The following GCA variants were observed in gnomAD, a reference collection of about 807,000 sequenced individuals.
The protein encoded by GCA is grancalcin, EF-hand calcium-binding protein.
In GCA, 30 loss-of-function variants were observed where a neutral mutation model predicts 32.6. That is an observed-to-expected ratio of 0.92 (90% CI 0.69 to 1.25). The LOEUF (loss-of-function observed/expected upper bound fraction) is 1.25. GCA is among the 50% of genes most tolerant of loss of function. GCA has a pLI of 0.00. For synonymous variants in GCA, 102 were observed against 84.6 expected, an observed-to-expected ratio of 1.21 and a Z score of -1.13; for missense variants, 291 against 266.8, an observed-to-expected ratio of 1.09 and a Z score of -0.63.
At chr2:162,345,368 G>A (rs1363966111) in intron 1 of GCA, among the ~76,000 whole-genome samples, 1 of 152,144 alleles carries the variant, frequency 6.6e-6, no homozygotes, top group Non-Finnish European at 1.5e-5. Context: ...GCATAAACCT[G>A]TGGGTCTTTA....
At position 162,356,882 on chromosome 2, in the gene GCA, T is replaced by A; in HGVS notation, c.431T>A (p.Leu144Ter). ...DGSGTVEHHE[L>*]RQAIGLMGYR... is the part of the protein sequence containing the mutation. ...AGTGGCACAGTAGAACATCATGAGT[T>A]GCGTCAAGCCATTGGTCTTATGGGT... is the stretch of plus-strand genomic sequence containing the variant. Residue 144 changes from leucine (L) to a stop codon, truncating the protein, a stop_gained, in exon 5 of 8, where the codon TTG (leucine) becomes TAG (stop). Transcript: ENST00000437150. LOFTEE classifies it high-confidence loss of function. The A allele has an allele frequency of 6.2e-7, 1 of 1,609,362 alleles. No individual in the cohort carries two copies. Among genetic ancestry groups the A allele is most frequent in the Non-Finnish European group, 8.5e-7 (1 of 1,177,036 alleles).
At chr2:162,329,469 G>C (rs775255085) in intron 1 of GCA, among the ~76,000 whole-genome samples, 1 of 151,892 alleles carries the variant, frequency 6.6e-6, no homozygotes, top group Non-Finnish European at 1.5e-5. Flanking sequence ...TATTATCAGT[G>C]CACTGAGTTA....
chr2:162,321,883 C>CAT (rs10529213), intron 1 of GCA, among the ~76,000 whole-genome samples: 8 of 70,224 alleles, frequency 1.1e-4, no homozygotes, highest in Non-Finnish European at 1.6e-4. Context: ...AATTTAGTTA[C>CAT]ATATATATAT....
chr2:162,360,151 T>C (rs945359878), intron 7 of GCA, 66 bp from the exon 8 acceptor site: 2 of 967,780 alleles, frequency 2.1e-6, no homozygotes, highest in Admixed American at 2.1e-5. Context: ...TTATGGAATA[T>C]AATTAGTCAA....
intron 1 of GCA, chr2:162,319,350 CA>C (rs1334642861): frequency 2.5e-6 from 1 of 405,438 alleles, no homozygotes; most frequent in Non-Finnish European, 5.1e-6. Flanking sequence ...ACCACCAACT[CA>C]GCTTAGAAGG....
At chr2:162,331,347 A>G (rs1684075923) in intron 1 of GCA, among the ~76,000 whole-genome samples, 1 of 152,182 alleles carries the variant, frequency 6.6e-6, no homozygotes, top group African/African-American at 2.4e-5. Context: ...ACAAATAAGT[A>G]TCAGCAAGTA....
chr2:162,323,378 A>G (rs2105254053), intron 1 of GCA, among the ~76,000 whole-genome samples: 1 of 151,888 alleles, frequency 6.6e-6, no homozygotes, highest in East Asian at 1.9e-4. Context: ...CTCTAATGGT[A>G]GTTTCTTTTG....
intron 5 of GCA, among the ~76,000 whole-genome samples, chr2:162,358,746 C>T (rs1017383998): frequency 2.6e-5 from 4 of 151,098 alleles, no homozygotes; most frequent in Non-Finnish European, 1.5e-5. Flanking sequence ...GCATTAAAAC[C>T]CATGAAATTA....
Position 162,344,266 on chromosome 2 carries a change from C to A in GCA, c.18C>A (p.Tyr6Ter), listed in dbSNP as rs969544407. Residue 6 changes from tyrosine to a stop codon, truncating the protein, a stop_gained, in exon 1 of 8, where the codon TAC becomes TAA. Transcript: ENST00000437150. LOFTEE classifies it high-confidence loss of function. MAYPG[Y>*]GGGFGNFSIQ... Reference sequence around the variant, plus strand: ...CGCTCGTCATGGCCTACCCGGGATACGGAGGAGGGGTGAGTCCCAGCCGCT... The same window carrying A: ...CGCTCGTCATGGCCTACCCGGGATAAGGAGGAGGGGTGAGTCCCAGCCGCT... The A allele has an allele frequency of 6.2e-7, 1 of 1,613,600 alleles. No homozygotes were observed. Among genetic ancestry groups the A allele is most frequent in the Non-Finnish European group, 8.5e-7 (1 of 1,179,806 alleles).
intron 6 of GCA, 167 bp from the exon 7 acceptor site, chr2:162,359,327 C>T (rs1055794297): frequency 2.5e-5 from 15 of 598,342 alleles, no homozygotes; most frequent in Admixed American, 1.3e-4. Flanking sequence ...ATGATAAAAA[C>T]GTTATGTTAT....
intron 1 of GCA, among the ~76,000 whole-genome samples, chr2:162,336,530 C>A (rs965342918): frequency 5.3e-5 from 8 of 152,162 alleles, no homozygotes; most frequent in Non-Finnish European, 7.4e-5. Context: ...ATCCTCCTTT[C>A]TCCTCCCATC....
downstream of GCA, chr2:162,371,732 G>T: frequency 8.5e-7 from 1 of 1,173,354 alleles, no homozygotes; most frequent in Non-Finnish European, 1.2e-6. Context: ...ATGGTACCTT[G>T]TGAGCCCCTG....
At chr2:162,354,380 A>C (rs1685153176) in intron 3 of GCA, among the ~76,000 whole-genome samples, 1 of 152,126 alleles carries the variant, frequency 6.6e-6, no homozygotes, top group Non-Finnish European at 1.5e-5. Context: ...AGGGTTCTCA[A>C]ATCTTTTGTA....
rs1685548633 is a variant in GCA at position 162,361,043 on chromosome 2, T to C, written c.*800T>C. ...TTTGATGATATGTCAACATTCAAAA[T>C]TGTCCTAATTAAATTGTTGTTTAAA... On this transcript the variant is annotated 3_prime_UTR_variant, in exon 8 of 8. Transcript: ENST00000437150. 1 of 980,854 alleles carries C rather than the reference T, an allele frequency of 1.0e-6. No homozygotes were observed. The highest frequency in any genetic ancestry group is 1.7e-5 in the African/African-American group (1 of 58,528). 60.8% of individuals were successfully genotyped at this position (980,854 alleles called of 1,614,324 possible).
rs962138076 is a variant in GCA at position 162,322,255 on chromosome 2, G to A, written c.-31+3030G>A. 4.0e-4 allele frequency among the ~76,000 whole-genome samples: 61 copies of A among 151,366 alleles called. 1 individual carries two copies. The highest frequency in any genetic ancestry group is 1.0e-4 in the Non-Finnish European group (7 of 67,912). On this transcript the variant is annotated intron_variant, in intron 1 of 4. Transcript: ENST00000429691. ...ATGAAAGTCACGTATCAATAGATAA[G>A]TTTTGGAACATTCATTTTTCAAGTA...
rs1184602016 is a variant in GCA, at chr2:162,363,011, CAAAA to C, written c.*2771_*2774del. Among the ~76,000 whole-genome samples, 1 of 151,184 alleles carries C rather than the reference CAAAA, an allele frequency of 6.6e-6. No individual in the cohort carries two copies. Among genetic ancestry groups the C allele is most frequent in the Non-Finnish European group, 1.5e-5 (1 of 67,448 alleles). On this transcript the variant is annotated 3_prime_UTR_variant, in exon 8 of 8. Coordinates refer to ENST00000437150, the MANE Select transcript of GCA (RefSeq NM_012198.5). Reference sequence around the variant, plus strand: ...AAGTCTGTGGAGTTAAAAAAAATAACAAAAAATCAATTTGTGATTATTTCTTTAA... The same window carrying C: ...AAGTCTGTGGAGTTAAAAAAAATAACAATCAATTTGTGATTATTTCTTTAA...
At chr2:162,371,674 T>C, downstream of GCA, 1 of 857,268 alleles carries the variant, frequency 1.2e-6, no homozygotes, top group Non-Finnish European at 1.7e-6. Context: ...TGCTCAGTTT[T>C]ACCTTACAAG....
At chr2:162,335,185 G>A (rs530036589) in intron 1 of GCA, among the ~76,000 whole-genome samples, 1 of 152,246 alleles carries the variant, frequency 6.6e-6, no homozygotes, top group South Asian at 2.1e-4. Flanking sequence ...GCCAAGGTGG[G>A]TGGATCACTT....
chr2:162,323,278 G>A lies in GCA; in HGVS notation c.-31+4053G>A, dbSNP rs1192668315. Among the ~76,000 whole-genome samples, 2 of 151,766 alleles carry A rather than the reference G, an allele frequency of 1.3e-5. 1 individual carries two copies. The highest frequency in any genetic ancestry group is 1.3e-4 in the Admixed American group (2 of 15,270). On this transcript the variant is annotated intron_variant, in intron 1 of 4. Transcript: ENST00000429691. ...TTGTTTGTTTTTTTCTTGTAAATTT[G>A]TTTGAGTTCATTGTAGATTCTGGAT...
Sources: allele counts gnomAD v4.1 joint callset (sites outside exome capture counted in the v4.1 genomes callset), GRCh38; gene constraint gnomAD v4.1.1; transcripts MANE v1.5; gene names NCBI Gene and HGNC (gene_info 2026-07-23, HGNC 2026-07-21).